RGS7: variants seen among roughly 807,000 people sequenced by gnomAD.
RGS7 encodes regulator of G protein signaling 7, also known as regulator of G-protein signaling 7.
RGS7 carries 27 observed loss-of-function variants against 81.1 expected under a neutral mutation model. That is an observed-to-expected ratio of 0.33 (90% CI 0.25 to 0.46). RGS7 has a LOEUF of 0.46. RGS7 is among the 20% of genes least tolerant of loss of function. RGS7 has a pLI of 1.00. For missense variants in RGS7, 396 were observed against 607.4 expected (o/e 0.65, Z 3.66); for synonymous variants, 208 against 207.7 (o/e 1.00, Z -0.01).
At chr1:241,078,247 C>T (rs978737727) in intron 3 of RGS7, among the ~76,000 whole-genome samples, 5 of 144,450 alleles carry the variant, frequency 3.5e-5, no homozygotes, top group Non-Finnish European at 7.5e-5. Flanking sequence ...AGATAATATA[C>T]AATATATATA....
At position 241,163,210 on chromosome 1, in the gene RGS7, T is replaced by G. The variant is rs1000748959; in HGVS notation, c.79-64448A>C. Among the ~76,000 whole-genome samples the G allele has an allele frequency of 6.6e-6, 1 of 152,156 alleles. No homozygotes were observed. Among genetic ancestry groups the G allele is most frequent in the Non-Finnish European group, 1.5e-5 (1 of 68,022 alleles). On this transcript the variant is annotated intron_variant, in intron 2 of 18. Coordinates refer to ENST00000440928, the MANE Select transcript of RGS7 (RefSeq NM_001364886.1). The surrounding 1 kb of genome is among the most constrained non-coding windows in gnomAD (Gnocchi z 4.6). ...CCTGAAGCAAGACTTGGCAGTGACC[T>G]CCTAACTTTATCAGTGAAAAGAAGG...
In RGS7 at chr1:240,790,978, T is replaced by C. The variant is rs534185295; in HGVS notation, c.*6+9663A>G. Among the ~76,000 whole-genome samples, 4 of 152,360 alleles carry C rather than the reference T, an allele frequency of 2.6e-5. No homozygotes were observed. In the East Asian group the frequency reaches 7.7e-4, roughly 29 times the overall value. Reference sequence around the variant, plus strand: ...TATTTCAGGTGAACAGTGTTGATAATAGGGACTTGTTTTTCTCCTTTGTAG... The same window carrying C: ...TATTTCAGGTGAACAGTGTTGATAACAGGGACTTGTTTTTCTCCTTTGTAG... On this transcript the variant is annotated intron_variant, in intron 18 of 18. Coordinates refer to ENST00000440928, the MANE Select transcript of RGS7 (RefSeq NM_001364886.1).
chr1:241,097,135 G>A (rs951151207), intron 3 of RGS7, among the ~76,000 whole-genome samples: 2 of 151,798 alleles, frequency 1.3e-5, no homozygotes, highest in African/African-American at 4.8e-5. Flanking sequence ...GAGCACAGAG[G>A]CAAAAGCTTC....
chr1:241,066,947 C>T (rs1323386389), intron 3 of RGS7, among the ~76,000 whole-genome samples: 1 of 152,134 alleles, frequency 6.6e-6, no homozygotes, highest in African/African-American at 2.4e-5. Context: ...GAAATGTTTC[C>T]CTCTGGGCCT....
At chr1:241,147,135 A>G (rs2068369327) in intron 2 of RGS7, among the ~76,000 whole-genome samples, 1 of 152,188 alleles carries the variant, frequency 6.6e-6, no homozygotes, top group Admixed American at 6.5e-5. Flanking sequence ...CGTGAAATTA[A>G]TAACACACAC....
intron 2 of RGS7, among the ~76,000 whole-genome samples, chr1:241,171,215 T>C (rs942214229): frequency 6.6e-6 from 1 of 152,222 alleles, no homozygotes; most frequent in Non-Finnish European, 1.5e-5. Flanking sequence ...TTTCAAAATT[T>C]CATTCATCAA....
At chr1:241,290,254 C>A (rs2079020900) in intron 2 of RGS7, among the ~76,000 whole-genome samples, 1 of 152,110 alleles carries the variant, frequency 6.6e-6, no homozygotes, top group African/African-American at 2.4e-5. Context: ...GCAGCTGATG[C>A]CAAAATGTGT....
chr1:241,292,905 AAATT>A (rs2079168515), intron 2 of RGS7, among the ~76,000 whole-genome samples: 1 of 152,282 alleles, frequency 6.6e-6, no homozygotes, highest in African/African-American at 2.4e-5. Flanking sequence ...GAGTTCAAAT[AAATT>A]ACAATGCATT....
chr1:241,015,624 T>C (rs925909368), intron 3 of RGS7, among the ~76,000 whole-genome samples: 2 of 152,188 alleles, frequency 1.3e-5, no homozygotes, highest in African/African-American at 4.8e-5. Flanking sequence ...TGGTAACAAA[T>C]AAATGTCAAC....
At chr1:241,244,039 T>C (rs1455386982) in intron 2 of RGS7, among the ~76,000 whole-genome samples, 5 of 152,182 alleles carry the variant, frequency 3.3e-5, no homozygotes, top group Non-Finnish European at 7.4e-5. Flanking sequence ...TATATATTAT[T>C]TTCTTTAGAG....
At chr1:241,234,077 A>G (rs750685945) in intron 2 of RGS7, among the ~76,000 whole-genome samples, 2 of 152,210 alleles carry the variant, frequency 1.3e-5, no homozygotes, top group Non-Finnish European at 2.9e-5. Context: ...CAGTTTATGC[A>G]TTACCTCATC....
intron 2 of RGS7, among the ~76,000 whole-genome samples, chr1:241,195,129 C>T (rs2072968979): frequency 6.6e-6 from 1 of 152,206 alleles, no homozygotes; most frequent in Non-Finnish European, 1.5e-5. Context: ...AAATGCCTTG[C>T]AAGTTTTCAT....
At chr1:241,346,400 C>CA (rs35162262) in intron 2 of RGS7, among the ~76,000 whole-genome samples, 144,222 of 152,266 alleles carry the variant, frequency 0.95, 68,793 homozygotes, top group East Asian at 1. Context: ...CAGCCAAGGC[C>CA]AATGCATATG....
chr1:240,911,767 T>C (rs1006215077), intron 6 of RGS7, among the ~76,000 whole-genome samples: 1 of 152,072 alleles, frequency 6.6e-6, no homozygotes, highest in Non-Finnish European at 1.5e-5. Context: ...CAATCCCAGC[T>C]CAATTGTTTT....
intron 2 of RGS7, among the ~76,000 whole-genome samples, chr1:241,326,406 C>T (rs1351534531): frequency 6.6e-6 from 1 of 152,188 alleles, no homozygotes; most frequent in East Asian, 1.9e-4. Context: ...GAGAATCCTC[C>T]AGCTATACCA....
At chr1:240,983,179 T>C in intron 3 of RGS7, 50 bp from the exon 4 acceptor site, 1 of 1,047,516 alleles carries the variant, frequency 9.5e-7, no homozygotes, top group Non-Finnish European at 1.4e-6. Flanking sequence ...ATTTTGTTTA[T>C]ACATATTAAC....
At chr1:240,927,613 C>T (rs1286426572) in intron 6 of RGS7, among the ~76,000 whole-genome samples, 1 of 152,086 alleles carries the variant, frequency 6.6e-6, no homozygotes, top group Non-Finnish European at 1.5e-5. Context: ...AAAGAAAAAT[C>T]GTAGAAAATG....
At chr1:241,291,564 T>A (rs899489181) in intron 2 of RGS7, among the ~76,000 whole-genome samples, 2 of 125,400 alleles carry the variant, frequency 1.6e-5, no homozygotes, top group Admixed American at 9.3e-5. Flanking sequence ...CTCAGAGAAT[T>A]CCCAGCTTTT....
intron 2 of RGS7, among the ~76,000 whole-genome samples, chr1:241,342,029 C>T (rs2082591845): frequency 6.6e-6 from 1 of 151,882 alleles, no homozygotes; most frequent in Admixed American, 6.6e-5. Context: ...CCCGTACCAC[C>T]ACACCTGTCT....
Sources: allele counts gnomAD v4.1 joint callset (sites outside exome capture counted in the v4.1 genomes callset), GRCh38; gene constraint gnomAD v4.1.1; non-coding constraint Gnocchi (gnomAD v3.1); transcripts MANE v1.5; gene names NCBI Gene and HGNC (gene_info 2026-07-23, HGNC 2026-07-21).